Variants in ANK2 observed in about 807,000 individuals in gnomAD.
The protein encoded by ANK2 is ankyrin 2, also known as ankyrin-2.
Under a neutral mutation model 360.5 loss-of-function variants are expected in ANK2, and 83 were observed. That is an observed-to-expected ratio of 0.23 (90% confidence interval 0.19 to 0.28). The LOEUF is 0.28. Among genes scored for constraint, ANK2 ranks in the 10% least tolerant of loss-of-function variants. The probability of loss-of-function intolerance (pLI) is 1.00; values close to 1 mark genes in which losing one functional copy is unlikely to be tolerated. For synonymous variants in ANK2, 1,740 were observed against 1,759.5 expected (o/e 0.99, Z 0.28); for missense variants, 4,201 against 4,795.7 (o/e 0.88, Z 3.66).
Position 113,182,562 on chromosome 4 carries a change from T to A in ANK2, c.186+8045T>A, listed in dbSNP as rs139686225. Among the ~76,000 whole-genome samples the A allele has an allele frequency of 1.9e-3, 282 of 152,068 alleles. 1 individual carries two copies. Among genetic ancestry groups the A allele is most frequent in the African/African-American group, 6.4e-3 (266 of 41,476 alleles). Reference sequence around the variant, plus strand: ...AGCCATCAAGGAGAATGGGAAAGAGTGTCCAGGGATGTAGGAGGAAAACCT... The same window carrying A: ...AGCCATCAAGGAGAATGGGAAAGAGAGTCCAGGGATGTAGGAGGAAAACCT... On this transcript the variant is annotated intron_variant, in intron 2 of 45. Transcript: ENST00000357077.
chr4:113,373,244 T>C (rs760111718), intron 44 of ANK2, 41 bp from the exon 45 acceptor site: 6 of 1,613,354 alleles, frequency 3.7e-6, no homozygotes, highest in Middle Eastern at 1.6e-4. Flanking sequence ...TCCATGGTAC[T>C]GTCACACAAA....
intron 1 of ANK2, among the ~76,000 whole-genome samples, chr4:113,065,977 G>GT (rs1232811769): frequency 1.3e-5 from 2 of 152,076 alleles, no homozygotes; most frequent in African/African-American, 4.8e-5. Flanking sequence ...GCTTCACCTG[G>GT]TTCAGGTATA....
the ANK2 span, among the ~76,000 whole-genome samples, chr4:112,783,019 C>T: frequency 1.1e-4 from 16 of 152,122 alleles, no homozygotes; most frequent in Non-Finnish European, 1.6e-4. Flanking sequence ...AAGTGATTCT[C>T]TTGCTTCAGC....
intron 2 of ANK2, among the ~76,000 whole-genome samples, chr4:112,981,522 G>C (rs571063869): frequency 6.6e-6 from 1 of 152,322 alleles, no homozygotes; most frequent in African/African-American, 2.4e-5. Context: ...TAACTTCATG[G>C]ATGAGAAATA....
Position 113,358,080 on chromosome 4 carries a change from T to A in ANK2, c.9462T>A (p.Ala3154=). Residue 3154 remains alanine (A), a synonymous_variant, in exon 38 of 46, where the codon GCT becomes GCA. Coordinates refer to ENST00000357077, the MANE Select transcript of ANK2 (RefSeq NM_001148.6). ...SEDVKEGATG[A]DPLPLETSAE... ...ATGTGAAAGAAGGGGCTACTGGGGC[T>A]GATCCCCTACCGCTGGAGACATCAG... 1.2e-6 allele frequency: 2 copies of A among 1,614,106 alleles called. No homozygotes were observed. Among genetic ancestry groups the A allele is most frequent in the Non-Finnish European group, 1.7e-6 (2 of 1,179,974 alleles).
chr4:113,336,572 A>G lies in ANK2; in HGVS notation c.3592-5A>G, dbSNP rs1323765215. On this transcript the variant is annotated splice_polypyrimidine_tract_variant and splice_region_variant and intron_variant, in intron 30 of 45. Coordinates refer to ENST00000357077, the MANE Select transcript of ANK2 (RefSeq NM_001148.6). ...TATATATGTGTGTGTTTTTACTTTG[A>G]AAAGGCTCAACCTATGCACAGTGAG... 2 of 1,613,182 alleles carry G rather than the reference A, an allele frequency of 1.2e-6. No homozygotes were observed. Among genetic ancestry groups the G allele is most frequent in the East Asian group, 2.2e-5 (1 of 44,834 alleles).
chr4:113,127,010 G>C (rs1251812806), intron 1 of ANK2, among the ~76,000 whole-genome samples: 1 of 151,772 alleles, frequency 6.6e-6, no homozygotes, highest in African/African-American at 2.4e-5. Flanking sequence ...AAACAATTTA[G>C]TCACTCCAAT....
At chr4:112,819,226 A>G (rs2056282673) in intron 1 of ANK2, among the ~76,000 whole-genome samples, 1 of 152,264 alleles carries the variant, frequency 6.6e-6, no homozygotes. Context: ...GGGAATTTAG[A>G]AGAACAGATT....
chr4:113,287,708 A>C lies in ANK2; in HGVS notation c.2178+5A>C. ...GATCAGGATGCTCATACAAAGGTAA[A>C]GCAAATCACTCTCAGTATTGTGACA... On this transcript the variant is annotated splice_donor_5th_base_variant and intron_variant, in intron 19 of 45. Transcript: ENST00000357077. 6.3e-7 allele frequency: 1 copy of C among 1,597,708 alleles called. No individual in the cohort carries two copies. The highest frequency in any genetic ancestry group is 8.6e-7 in the Non-Finnish European group (1 of 1,165,352).
intron 2 of ANK2, among the ~76,000 whole-genome samples, chr4:112,949,925 T>C (rs1195616649): frequency 5.3e-5 from 8 of 152,112 alleles, no homozygotes; most frequent in Admixed American, 5.2e-4. Flanking sequence ...TTAAGAAAAA[T>C]ATAAATATGA....
chr4:112,941,998 A>G (rs531165241), intron 2 of ANK2, among the ~76,000 whole-genome samples: 2 of 151,926 alleles, frequency 1.3e-5, no homozygotes, highest in African/African-American at 4.8e-5. Context: ...GGCACAAATG[A>G]TAGCTATTAT....
chr4:113,323,270 G>A (rs2087502424), intron 26 of ANK2, among the ~76,000 whole-genome samples: 2 of 151,908 alleles, frequency 1.3e-5, no homozygotes, highest in Admixed American at 6.6e-5. Context: ...TACCTACCCC[G>A]CTTTATAGTT....
chr4:113,354,040 G>T lies in ANK2; in HGVS notation c.5422G>T (p.Ala1808Ser). The change falls in exon 38 of 46, where the codon GCT becomes TCT. Residue 1808 changes from alanine (A) to serine (S), a missense_variant. Transcript: ENST00000357077. ...AAAGACCACCCACAGGCCACATCCA[G>T]CTGCGTCACCCTCTCTGAAGTCAGA... ...PKKTTHRPHPAASPSLKSERH... is the reference protein window; with the variant it reads ...PKKTTHRPHPSASPSLKSERH... 1 of 1,614,044 alleles carries T rather than the reference G, an allele frequency of 6.2e-7. No individual in the cohort carries two copies.
At chr4:112,841,811 T>C (rs2062141893) in intron 1 of ANK2, among the ~76,000 whole-genome samples, 1 of 152,170 alleles carries the variant, frequency 6.6e-6, no homozygotes, top group African/African-American at 2.4e-5. Flanking sequence ...CAAAGTTACT[T>C]CTAGCTATGG....
intron 1 of ANK2, among the ~76,000 whole-genome samples, chr4:113,097,869 T>TATATATATATAC (rs1303039791): frequency 3.9e-5 from 3 of 76,030 alleles, no homozygotes; most frequent in East Asian, 2.9e-4. Flanking sequence ...TGTGTGTGTA[T>TATATATATATAC]ATATATGCAC....
intron 1 of ANK2, among the ~76,000 whole-genome samples, chr4:112,887,365 T>A (rs1190420970): frequency 1.1e-4 from 17 of 152,236 alleles, no homozygotes; most frequent in Admixed American, 1.1e-3. Context: ...GTAAGTGTTC[T>A]GAGTTCTGAG....
At chr4:112,887,014 A>C (rs1413701987) in intron 1 of ANK2, among the ~76,000 whole-genome samples, 1 of 152,190 alleles carries the variant, frequency 6.6e-6, no homozygotes, top group East Asian at 1.9e-4. Flanking sequence ...TCTTATTCAA[A>C]TGGTAGGTTT....
At chr4:113,367,234 C>T (rs1356084882) in intron 41 of ANK2, among the ~76,000 whole-genome samples, 1 of 152,130 alleles carries the variant, frequency 6.6e-6, no homozygotes, top group East Asian at 1.9e-4. Flanking sequence ...AGTCAATTCC[C>T]ACTTGCCATT....
the ANK2 span, among the ~76,000 whole-genome samples, chr4:112,780,552 A>G: frequency 6.6e-6 from 1 of 152,216 alleles, no homozygotes; most frequent in Non-Finnish European, 1.5e-5. Context: ...TATGATTCAT[A>G]TGTAGAACAA....
Sources: allele counts gnomAD v4.1 joint callset (sites outside exome capture counted in the v4.1 genomes callset), GRCh38; gene constraint gnomAD v4.1.1; transcripts MANE v1.5; gene names NCBI Gene and HGNC (gene_info 2026-07-23, HGNC 2026-07-21).